ADGRL2: variants seen among roughly 807,000 people sequenced by gnomAD.
The protein encoded by ADGRL2 is calcium-independent alpha-latrotoxin receptor 2.
Under a neutral mutation model 157.4 loss-of-function variants are expected in ADGRL2, and 44 were observed. That is an observed-to-expected ratio of 0.28 (90% CI 0.22 to 0.36). The LOEUF (loss-of-function observed/expected upper bound fraction) is 0.36. ADGRL2 is among the 10% of genes least tolerant of loss of function. The pLI, the probability that ADGRL2 is intolerant of heterozygous loss-of-function variation, is 1.00. For missense variants in ADGRL2, 1,510 were observed against 1,768.9 expected (o/e 0.85, Z 2.63); for synonymous variants, 585 against 624.7 (o/e 0.94, Z 0.95).
At chr1:81,784,335 TTACA>T (rs2086938582) in intron 2 of ADGRL2, among the ~76,000 whole-genome samples, 1 of 152,200 alleles carries the variant, frequency 6.6e-6, no homozygotes, top group Admixed American at 6.5e-5. Context: ...TCAAAAACTT[TTACA>T]GAGCAAAGTA....
chr1:81,400,537 G>A (rs2076734409), intron 1 of ADGRL2, among the ~76,000 whole-genome samples: 1 of 152,114 alleles, frequency 6.6e-6, no homozygotes, highest in African/African-American at 2.4e-5. Flanking sequence ...GGGGAGTAGG[G>A]TATGGCTGCA....
At chr1:81,412,210 A>C (rs2076957758) in intron 1 of ADGRL2, among the ~76,000 whole-genome samples, 1 of 152,188 alleles carries the variant, frequency 6.6e-6, no homozygotes, top group African/African-American at 2.4e-5. Flanking sequence ...AAGAGCCAGG[A>C]TTCAAGCCCA....
At chr1:81,348,142 G>T (rs1662613661) in intron 1 of ADGRL2, among the ~76,000 whole-genome samples, 1 of 152,160 alleles carries the variant, frequency 6.6e-6, no homozygotes, top group African/African-American at 2.4e-5. Context: ...ATGGGGTGAT[G>T]TTGACACCCC....
At chr1:81,826,406 A>C (rs1255336437) in intron 1 of ADGRL2, among the ~76,000 whole-genome samples, 1 of 149,286 alleles carries the variant, frequency 6.7e-6, no homozygotes, top group Non-Finnish European at 1.5e-5. Flanking sequence ...ATTAATATTA[A>C]CAGATGTTGC....
chr1:81,523,439 AGAAG>A (rs1240482926), intron 2 of ADGRL2, among the ~76,000 whole-genome samples: 1 of 152,168 alleles, frequency 6.6e-6, no homozygotes, highest in East Asian at 1.9e-4. Context: ...AGAGAGAGAG[AGAAG>A]GAAGGAGAGA....
At chr1:81,715,176 TA>T (rs201402158) in intron 1 of ADGRL2, among the ~76,000 whole-genome samples, 503 of 40,926 alleles carry the variant, frequency 0.012, no homozygotes, top group African/African-American at 0.015. Flanking sequence ...GCTAATTTAG[TA>T]AATTTTTTTT....
rs1557964932 is a variant in ADGRL2 at position 81,943,526 on chromosome 1, G to A, written c.967G>A (p.Gly323Arg). The change falls in exon 6 of 24, where the codon GGA (glycine) becomes AGA (arginine). Residue 323 changes from glycine to arginine, a missense_variant. By Grantham distance (125) the Gly-to-Arg change is moderately radical. This residue lies in a region of ADGRL2 where 361 missense variants were observed against 498.4 expected (regional missense o/e 0.72). Transcript: ENST00000686636. This position sits in a 1 kb window ranked among gnomAD's most constrained non-coding sequence, Gnocchi z 5.6. The stretch of plus-strand genomic sequence containing the variant: ...CGCATCAAATGCTTTTATGATATGC[G>A]GAGTCCTCTATGTGGTTAGGTCAGT... ...RAASNAFMIC[G>R]VLYVVRSVYQ... 3 of 1,613,546 alleles carry A rather than the reference G, an allele frequency of 1.9e-6. No homozygotes were observed. The highest frequency in any genetic ancestry group is 2.5e-6 in the Non-Finnish European group (3 of 1,179,746).
chr1:81,636,961 G>A (rs574642267), intron 3 of ADGRL2, among the ~76,000 whole-genome samples: 13 of 152,038 alleles, frequency 8.6e-5, no homozygotes, highest in Non-Finnish European at 1.8e-4. Flanking sequence ...TCAACCTCCC[G>A]AGTAGCTGGG....
chr1:81,488,114 T>C (rs2078548607), intron 2 of ADGRL2, among the ~76,000 whole-genome samples: 1 of 152,074 alleles, frequency 6.6e-6, no homozygotes, highest in Admixed American at 6.6e-5. Context: ...GCACCATTTT[T>C]CCCCTTTATT....
chr1:81,722,498 A>G (rs2084366041), intron 1 of ADGRL2: 2 of 1,558,274 alleles, frequency 1.3e-6, no homozygotes, highest in African/African-American at 1.3e-5. Flanking sequence ...AAATGCTGCC[A>G]TCCAAGACTG....
chr1:81,838,152 A>T (rs982802927), intron 2 of ADGRL2, among the ~76,000 whole-genome samples: 7 of 152,022 alleles, frequency 4.6e-5, no homozygotes, highest in African/African-American at 1.4e-4. Flanking sequence ...AATAAGCTTC[A>T]AAATGTTAAC....
chr1:81,405,480 T>C (rs1408982644), intron 1 of ADGRL2, among the ~76,000 whole-genome samples: 2 of 151,938 alleles, frequency 1.3e-5, no homozygotes, highest in Non-Finnish European at 2.9e-5. Context: ...CCAGATCCGG[T>C]CTCCATGAAT....
At chr1:81,866,082 TA>T (rs1252001475) in intron 2 of ADGRL2, among the ~76,000 whole-genome samples, 1 of 152,220 alleles carries the variant, frequency 6.6e-6, no homozygotes, top group Non-Finnish European at 1.5e-5. Flanking sequence ...GTCCATGGTT[TA>T]CACTGTTAAG....
intron 1 of ADGRL2, among the ~76,000 whole-genome samples, chr1:81,431,106 T>A (rs2077312089): frequency 6.6e-6 from 1 of 152,156 alleles, no homozygotes; most frequent in Admixed American, 6.5e-5. Context: ...GACATCAGAA[T>A]TAAACTGGGA....
intron 19 of ADGRL2, among the ~76,000 whole-genome samples, chr1:81,982,395 C>T (rs1661920824): frequency 6.6e-6 from 1 of 151,820 alleles, no homozygotes; most frequent in Admixed American, 6.6e-5. Flanking sequence ...ATTAATGTTA[C>T]CTTTTGAGTA....
At chr1:81,661,670 G>T (rs1410624302) in intron 3 of ADGRL2, among the ~76,000 whole-genome samples, 1 of 152,136 alleles carries the variant, frequency 6.6e-6, no homozygotes, top group African/African-American at 2.4e-5. Context: ...ATTATTCACA[G>T]GTTGATTATA....
intron 3 of ADGRL2, among the ~76,000 whole-genome samples, chr1:81,920,138 T>G (rs1230943560): frequency 1.3e-5 from 2 of 152,154 alleles, no homozygotes; most frequent in Non-Finnish European, 1.5e-5. Flanking sequence ...TTTTATTTTA[T>G]GCTGTAGCTG....
chr1:81,961,929 T>G (rs1216862790), intron 11 of ADGRL2, among the ~76,000 whole-genome samples: 1 of 152,184 alleles, frequency 6.6e-6, no homozygotes, highest in African/African-American at 2.4e-5. Flanking sequence ...TGATAGACAT[T>G]TTAGTGGCTT....
chr1:81,326,274 C>T (rs918418492), intron 1 of ADGRL2, among the ~76,000 whole-genome samples: 1 of 152,168 alleles, frequency 6.6e-6, no homozygotes, highest in African/African-American at 2.4e-5. Context: ...TAATTGTGTG[C>T]TTTGTGATTG....
Sources: allele counts gnomAD v4.1 joint callset (sites outside exome capture counted in the v4.1 genomes callset), GRCh38; gene constraint gnomAD v4.1.1; regional missense constraint gnomAD v4.1.1; non-coding constraint Gnocchi (gnomAD v3.1); transcripts MANE v1.5; gene names NCBI Gene and HGNC (gene_info 2026-07-23, HGNC 2026-07-21).